The following TENM1 variants were observed in gnomAD, a reference collection of about 807,000 sequenced individuals.
The protein encoded by TENM1 is teneurin transmembrane protein 1.
TENM1 carries 35 observed loss-of-function variants against 174.8 expected under a neutral mutation model. The observed-to-expected ratio is 0.20, with a 90% CI of 0.15 to 0.27. TENM1 has a LOEUF of 0.27. TENM1 is among the 10% of genes least tolerant of loss of function. The probability of loss-of-function intolerance (pLI) is 1.00; values close to 1 mark genes in which losing one functional copy is unlikely to be tolerated. For missense variants in TENM1, 1,633 were observed against 2,130.1 expected, an observed-to-expected ratio of 0.77 and a Z score of 4.59; for synonymous variants, 781 against 798.7, an observed-to-expected ratio of 0.98 and a Z score of 0.37.
chrX:125,117,702 T>TA, the TENM1 span, among the ~76,000 whole-genome samples: 11 of 108,463 alleles, frequency 1.0e-4, no homozygotes, highest in East Asian at 2.6e-3. Flanking sequence ...AACTATAATT[T>TA]AAAAAAAAAG....
the TENM1 span, among the ~76,000 whole-genome samples, chrX:125,034,889 G>A: frequency 1.2e-4 from 13 of 111,305 alleles, no homozygotes; most frequent in South Asian, 3.7e-4. Context: ...GCCTGTTTAC[G>A]GGCAAGGAGA....
At chrX:124,971,371 T>C in the TENM1 span, among the ~76,000 whole-genome samples, 18,582 of 111,214 alleles carry the variant, frequency 0.17, 1,474 homozygotes, top group Admixed American at 0.3. Context: ...CTGGTCCATT[T>C]CCCTTCAGTC....
chrX:125,014,581 A>G, the TENM1 span, among the ~76,000 whole-genome samples: 1 of 110,811 alleles, frequency 9.0e-6, no homozygotes, highest in Admixed American at 9.6e-5. Context: ...TGTTACATAA[A>G]AAGTCACTCT....
intron 11 of TENM1, among the ~76,000 whole-genome samples, chrX:124,584,348 T>C (rs1465627445): frequency 9.0e-6 from 1 of 110,570 alleles, no homozygotes; most frequent in African/African-American, 3.3e-5. Flanking sequence ...CGGCAGAAAC[T>C]CTACAAGCCA....
intron 3 of TENM1, among the ~76,000 whole-genome samples, chrX:124,882,928 C>T (rs1304841761): frequency 8.9e-6 from 1 of 112,028 alleles, no homozygotes; most frequent in Non-Finnish European, 1.9e-5. Flanking sequence ...TGATTTCTTT[C>T]AGCAGTGTTT....
intron 3 of TENM1, among the ~76,000 whole-genome samples, chrX:124,774,453 A>G (rs1381261673): frequency 1.8e-5 from 2 of 111,867 alleles, no homozygotes; most frequent in Non-Finnish European, 1.9e-5. Flanking sequence ...GAAAAAGAAA[A>G]TAAAGAAAAT....
At chrX:124,930,982 T>C (rs1012572584) in intron 1 of TENM1, among the ~76,000 whole-genome samples, 1 of 111,408 alleles carries the variant, frequency 9.0e-6, no homozygotes, top group African/African-American at 3.3e-5. Flanking sequence ...ATGCTATGAA[T>C]AGACACGAGG....
intron 23 of TENM1, among the ~76,000 whole-genome samples, chrX:124,427,955 G>A (rs2060736843): frequency 9.0e-6 from 1 of 110,632 alleles, no homozygotes; most frequent in Non-Finnish European, 1.9e-5. Flanking sequence ...TTTTTGGGGG[G>A]GTGGGAACAG....
At chrX:124,406,226 T>C (rs2060460316) in intron 26 of TENM1, 91 bp downstream of exon 29, 1 of 691,201 alleles carries the variant, frequency 1.4e-6, no homozygotes. Flanking sequence ...CAGCTAGAGG[T>C]GAATTCTGTT....
At chrX:125,005,580 C>T in the TENM1 span, among the ~76,000 whole-genome samples, 3 of 110,491 alleles carry the variant, frequency 2.7e-5, no homozygotes, top group Non-Finnish European at 5.7e-5. Context: ...ATGATAGAAA[C>T]TAAGGGGGAG....
chrX:124,592,756 G>GT (rs35171520), intron 11 of TENM1, among the ~76,000 whole-genome samples: 359 of 78,682 alleles, frequency 4.6e-3, no homozygotes, highest in Middle Eastern at 6.6e-3. Flanking sequence ...AGGCCTTACT[G>GT]TTTTTTTTTT....
intron 1 of TENM1, among the ~76,000 whole-genome samples, chrX:124,923,633 T>A (rs2058053333): frequency 8.9e-6 from 1 of 112,123 alleles, no homozygotes; most frequent in Admixed American, 9.5e-5. Flanking sequence ...TCCGTTGACA[T>A]TAAGATAGGG....
chrX:124,787,302 G>A (rs148420737), intron 3 of TENM1, among the ~76,000 whole-genome samples: 1,652 of 111,273 alleles, frequency 0.015, 29 homozygotes, highest in African/African-American at 0.049. Flanking sequence ...CACATTTTGT[G>A]TATACTTTCA....
intron 11 of TENM1, among the ~76,000 whole-genome samples, chrX:124,587,993 C>T (rs1466985035): frequency 1.3e-4 from 14 of 111,983 alleles, no homozygotes; most frequent in African/African-American, 4.5e-4. Flanking sequence ...CAATGAGATA[C>T]CATCTCACAC....
At chrX:125,061,385 A>C in the TENM1 span, among the ~76,000 whole-genome samples, 2 of 112,030 alleles carry the variant, frequency 1.8e-5, no homozygotes, top group Non-Finnish European at 3.8e-5. Flanking sequence ...ATCTCATATG[A>C]ATTGCAAAGT....
At chrX:124,697,076 C>T (rs189233603) in intron 5 of TENM1, among the ~76,000 whole-genome samples, 1,303 of 111,354 alleles carry the variant, frequency 0.012, 17 homozygotes, top group African/African-American at 0.039. Context: ...GAGTGCTTTT[C>T]AAAGTGCCAG....
chrX:124,713,667 A>G (rs1207645935), intron 4 of TENM1, among the ~76,000 whole-genome samples: 1 of 112,239 alleles, frequency 8.9e-6, no homozygotes, highest in Non-Finnish European at 1.9e-5. Context: ...TGGATTGCAT[A>G]TTCCTTGAGG....
intron 13 of TENM1, among the ~76,000 whole-genome samples, chrX:124,562,071 A>G (rs894728029): frequency 1.8e-5 from 2 of 112,172 alleles, no homozygotes; most frequent in Non-Finnish European, 3.8e-5. Context: ...CCTGGTTCAT[A>G]TAGGAAGAAA....
the TENM1 span, among the ~76,000 whole-genome samples, chrX:125,140,281 G>T: frequency 1.8e-5 from 2 of 111,933 alleles, no homozygotes; most frequent in Middle Eastern, 4.2e-3. Flanking sequence ...AATGTCATTT[G>T]CAGAAACATG....
Sources: gnomAD v4.1 joint callset for allele counts (sites outside exome capture counted in the v4.1 genomes callset) on GRCh38, gnomAD v4.1.1 for gene constraint, MANE v1.5 for transcripts, NCBI Gene and HGNC (gene_info 2026-07-23, HGNC 2026-07-21) for gene names.